Variants in PCDH15 observed in about 807,000 individuals in gnomAD.
PCDH15 encodes protocadherin-15.
Under a neutral mutation model 178.5 loss-of-function variants are expected in PCDH15, and 129 were observed. The observed-to-expected ratio is 0.72, with a 90% confidence interval of 0.63 to 0.84. The LOEUF is 0.84. PCDH15 is among the 40% of genes least tolerant of loss of function. PCDH15 has a pLI of 0.00. For missense variants in PCDH15, 2,230 were observed against 2,099.9 expected (o/e 1.06, Z -1.21); for synonymous variants, 800 against 732.0 (o/e 1.09, Z -1.50).
rs530553140 is a variant in PCDH15 at position 54,793,699 on chromosome 10, AACATATATAT to A, written c.-29+7216_-29+7225del. ...ATACACACATATATATACATATATA[AACATATATAT>A]ACATATATATACACTTGTGTATATA... On this transcript the variant is annotated intron_variant, in intron 1 of 37. Transcript: ENST00000644397. Among the ~76,000 whole-genome samples, 1,294 of 148,386 alleles carry A rather than the reference AACATATATAT, an allele frequency of 8.7e-3. 15 individuals carry two copies. The highest frequency in any genetic ancestry group is 0.013 in the Non-Finnish European group (858 of 67,190).
At chr10:54,189,340 A>G in intron 11 of PCDH15, 1 of 1,567,522 alleles carries the variant, frequency 6.4e-7, no homozygotes, top group Non-Finnish European at 8.7e-7. Context: ...AAGAACAATC[A>G]CAAGCTTAAC....
At chr10:54,290,430 A>G (rs2059324190) in intron 8 of PCDH15, among the ~76,000 whole-genome samples, 1 of 152,252 alleles carries the variant, frequency 6.6e-6, no homozygotes. Flanking sequence ...AATACCAGCC[A>G]CCTCAAAAAC....
chr10:55,581,693 T>C (rs1478969376), intron 2 of PCDH15, among the ~76,000 whole-genome samples: 2 of 152,192 alleles, frequency 1.3e-5, no homozygotes, highest in East Asian at 1.9e-4. Flanking sequence ...AAGATAAAAG[T>C]AGAAGACATT....
chr10:55,043,143 TA>T (rs1335054715), intron 2 of PCDH15, among the ~76,000 whole-genome samples: 11 of 151,734 alleles, frequency 7.2e-5, no homozygotes, highest in Admixed American at 2.0e-4. Flanking sequence ...TTTTAGAACT[TA>T]TTTTTTTGGT....
intron 2 of PCDH15, among the ~76,000 whole-genome samples, chr10:54,553,287 C>A (rs2086816076): frequency 6.6e-6 from 1 of 152,094 alleles, no homozygotes; most frequent in Non-Finnish European, 1.5e-5. Flanking sequence ...CCTTGACTTG[C>A]AAAATGAATG....
intron 13 of PCDH15, among the ~76,000 whole-genome samples, chr10:54,159,793 T>C (rs2045529801): frequency 6.6e-6 from 1 of 152,080 alleles, no homozygotes; most frequent in African/African-American, 2.4e-5. Context: ...AGTAAAAAAA[T>C]ACAGATAAAT....
rs796259774 is a variant in PCDH15, at chr10:54,296,076, C to T, written c.876+21195G>A. 3.0e-4 allele frequency among the ~76,000 whole-genome samples: 39 copies of T among 130,464 alleles called. No homozygotes were observed. The South Asian group carries it at 3.5e-3, about 12-fold the overall frequency. 85.6% of individuals were successfully genotyped at this position (130,464 alleles called of 152,430 possible). On this transcript the variant is annotated intron_variant, in intron 8 of 37. Coordinates refer to ENST00000644397, the MANE Select transcript of PCDH15 (RefSeq NM_001384140.1). ...AGGAGAATGGCGTGAACCCGGGAGGCGGAGCTTGCAGGGAGCCGAGATCCC... is the reference window on the plus strand; with the variant it reads ...AGGAGAATGGCGTGAACCCGGGAGGTGGAGCTTGCAGGGAGCCGAGATCCC...
At chr10:53,933,090 T>C (rs754419139) in intron 25 of PCDH15, among the ~76,000 whole-genome samples, 4 of 152,102 alleles carry the variant, frequency 2.6e-5, no homozygotes, top group Non-Finnish European at 4.4e-5. Context: ...AGCACCATGC[T>C]TCCTGAAGAG....
At chr10:54,634,290 T>C (rs1212039214) in intron 2 of PCDH15, among the ~76,000 whole-genome samples, 1 of 152,152 alleles carries the variant, frequency 6.6e-6, no homozygotes, top group Non-Finnish European at 1.5e-5. Context: ...TATAAAATAT[T>C]GCACTGCTTT....
chr10:54,912,199 C>A (rs1954830623), intron 2 of PCDH15, among the ~76,000 whole-genome samples: 1 of 151,694 alleles, frequency 6.6e-6, no homozygotes, highest in Admixed American at 6.6e-5. Context: ...AATGCTAATT[C>A]AGTTAAGTTT....
At chr10:54,297,273 C>G (rs531814371) in intron 8 of PCDH15, among the ~76,000 whole-genome samples, 1 of 152,036 alleles carries the variant, frequency 6.6e-6, no homozygotes, top group Admixed American at 6.6e-5. Context: ...GCCATTGGGA[C>G]CAATTTGACC....
chr10:53,860,132 T>C (rs1564627703), intron 27 of PCDH15, among the ~76,000 whole-genome samples: 6 of 152,190 alleles, frequency 3.9e-5, no homozygotes, highest in African/African-American at 1.2e-4. Context: ...CTAGACCTGA[T>C]AAAAAGAACA....
chr10:54,615,768 A>T (rs1447956187), intron 2 of PCDH15, among the ~76,000 whole-genome samples: 2 of 152,154 alleles, frequency 1.3e-5, no homozygotes, highest in Non-Finnish European at 2.9e-5. Context: ...ATTTTCTGAA[A>T]AACTTTCTCC....
intron 6 of PCDH15, among the ~76,000 whole-genome samples, chr10:54,345,287 T>A (rs1262327096): frequency 6.6e-6 from 1 of 151,936 alleles, no homozygotes; most frequent in Non-Finnish European, 1.5e-5. Context: ...CCCAATAGAG[T>A]TTTTTGTTTG....
intron 13 of PCDH15, among the ~76,000 whole-genome samples, chr10:54,170,461 A>G (rs2046774282): frequency 6.6e-6 from 1 of 151,392 alleles, no homozygotes; most frequent in Admixed American, 6.6e-5. Flanking sequence ...ACTATGCTCA[A>G]CTCACTCTCT....
At chr10:55,184,645 T>C (rs1839746235) in intron 1 of PCDH15, among the ~76,000 whole-genome samples, 1 of 152,002 alleles carries the variant, frequency 6.6e-6, no homozygotes, top group Non-Finnish European at 1.5e-5. Flanking sequence ...TAAGTAGCTA[T>C]ATTAAGACAG....
chr10:55,098,432 T>C (rs1842493667), intron 2 of PCDH15, among the ~76,000 whole-genome samples: 1 of 152,132 alleles, frequency 6.6e-6, no homozygotes, highest in African/African-American at 2.4e-5. Flanking sequence ...AATTTTCTCT[T>C]CTAAAAAAGA....
intron 17 of PCDH15, among the ~76,000 whole-genome samples, chr10:54,067,520 C>T (rs926928248): frequency 1.3e-5 from 2 of 152,104 alleles, no homozygotes; most frequent in Non-Finnish European, 2.9e-5. Flanking sequence ...AAATCCCTGG[C>T]CTGCTGCAGT....
At chr10:53,873,655 A>T (rs2080025521) in intron 26 of PCDH15, among the ~76,000 whole-genome samples, 1 of 152,258 alleles carries the variant, frequency 6.6e-6, no homozygotes. Flanking sequence ...AAATATTCTA[A>T]GAAATCTTCC....
Sources: allele counts gnomAD v4.1 joint callset (sites outside exome capture counted in the v4.1 genomes callset), GRCh38; gene constraint gnomAD v4.1.1; transcripts MANE v1.5; gene names NCBI Gene and HGNC (gene_info 2026-07-23, HGNC 2026-07-21).